Variants in SLCO3A1 observed in about 807,000 individuals in gnomAD.
The protein encoded by SLCO3A1 is PGE1 transporter.
In SLCO3A1, 27 loss-of-function variants were observed where a neutral mutation model predicts 63.1. The observed-to-expected ratio is 0.43, with a 90% CI of 0.32 to 0.59. SLCO3A1 has a LOEUF of 0.59. Among genes scored for constraint, SLCO3A1 ranks in the 20% least tolerant of loss-of-function variants. The pLI is 0.09. For missense variants in SLCO3A1, 773 were observed against 945.8 expected, an observed-to-expected ratio of 0.82 and a Z score of 2.40; for synonymous variants, 473 against 409.9, an observed-to-expected ratio of 1.15 and a Z score of -1.86.
chr15:91,880,386 T>C (rs909234929), intron 1 of SLCO3A1, among the ~76,000 whole-genome samples: 2 of 136,498 alleles, frequency 1.5e-5, no homozygotes, highest in Admixed American at 7.1e-5. Context: ...CGTGCTTCTC[T>C]CTCTCTCTCT....
At chr15:91,975,743 C>T (rs1364706354) in intron 2 of SLCO3A1, among the ~76,000 whole-genome samples, 1 of 152,140 alleles carries the variant, frequency 6.6e-6, no homozygotes, top group Non-Finnish European at 1.5e-5. Context: ...GTTCCTATAA[C>T]TATGAGATTG....
chr15:91,986,576 C>T (rs1194177354), intron 2 of SLCO3A1, among the ~76,000 whole-genome samples: 5 of 150,728 alleles, frequency 3.3e-5, no homozygotes, highest in South Asian at 2.1e-4. Flanking sequence ...ACTAGTGAGA[C>T]GTTTACATTC....
intron 2 of SLCO3A1, among the ~76,000 whole-genome samples, chr15:92,023,991 C>T (rs2046540769): frequency 6.6e-6 from 1 of 152,110 alleles, no homozygotes; most frequent in Non-Finnish European, 1.5e-5. Flanking sequence ...AGAGCCAAGT[C>T]CAGTGAATCT....
chr15:92,043,360 C>A (rs1162837475), intron 2 of SLCO3A1, among the ~76,000 whole-genome samples: 1 of 152,182 alleles, frequency 6.6e-6, no homozygotes, highest in African/African-American at 2.4e-5. Context: ...GGCCAAACAT[C>A]CAATGAGAAT....
At chr15:91,965,106 G>T (rs1056203068) in intron 2 of SLCO3A1, among the ~76,000 whole-genome samples, 3 of 151,632 alleles carry the variant, frequency 2.0e-5, no homozygotes, top group African/African-American at 7.3e-5. Flanking sequence ...CTCAGTGGAT[G>T]ATTAGGGTTT....
At chr15:92,024,602 A>C (rs1325685075) in intron 2 of SLCO3A1, among the ~76,000 whole-genome samples, 1 of 152,192 alleles carries the variant, frequency 6.6e-6, no homozygotes, top group Non-Finnish European at 1.5e-5. Context: ...GTGCTCTCTC[A>C]GTCATGGGGA....
At chr15:92,095,767 C>A (rs757280291) in intron 3 of SLCO3A1, among the ~76,000 whole-genome samples, 3 of 152,178 alleles carry the variant, frequency 2.0e-5, no homozygotes, top group Non-Finnish European at 2.9e-5. Flanking sequence ...ACCTGTAGAT[C>A]TACTCTCAGG....
rs544536430 is a variant in SLCO3A1, at chr15:91,968,688, C to T, written c.646+52230C>T. Among the ~76,000 whole-genome samples the T allele has an allele frequency of 6.6e-5, 10 of 152,334 alleles. No homozygotes were observed. The East Asian group carries it at 1.5e-3, about 24-fold the overall frequency. On this transcript the variant is annotated intron_variant, in intron 2 of 9. Transcript: ENST00000318445. The surrounding 1 kb of genome is among the most constrained non-coding windows in gnomAD (Gnocchi z 4.2). ...TCTTCAGACAGAGAAAGGGTGCACACGCAGACCCGCAAGCACAGCCTTCGC... is the reference window on the plus strand; with the variant it reads ...TCTTCAGACAGAGAAAGGGTGCACATGCAGACCCGCAAGCACAGCCTTCGC...
intron 2 of SLCO3A1, among the ~76,000 whole-genome samples, chr15:92,038,170 A>C (rs1053186952): frequency 1.5e-4 from 23 of 152,312 alleles, no homozygotes; most frequent in African/African-American, 5.3e-4. Flanking sequence ...CTCTCTGATC[A>C]TGTGTCCTCA....
chr15:92,089,012 T>A (rs561190492), intron 2 of SLCO3A1, among the ~76,000 whole-genome samples: 567 of 144,434 alleles, frequency 3.9e-3, no homozygotes, highest in African/African-American at 5.4e-3. Context: ...TTATTTATTA[T>A]TTATTTATTT....
In SLCO3A1 at chr15:92,165,289, C is replaced by T. The variant is rs1455108353; in HGVS notation, c.*2154C>T. ...ATGGGGACACTCATCAGTACGTTAA[C>T]TACTAAAGGGGAGATGGTTCTCCAA... On this transcript the variant is annotated 3_prime_UTR_variant, in exon 10 of 10. Coordinates refer to ENST00000318445, the MANE Select transcript of SLCO3A1 (RefSeq NM_013272.4). 1 of 985,274 alleles carries T rather than the reference C, an allele frequency of 1.0e-6. No individual in the cohort carries two copies. Among genetic ancestry groups the T allele is most frequent in the East Asian group, 1.1e-4 (1 of 8,826 alleles). The allele number at this position is 985,274 out of a possible 1,614,324, so 61.0% of individuals were successfully genotyped here.
chr15:92,008,243 T>A (rs757036357), intron 2 of SLCO3A1, among the ~76,000 whole-genome samples: 1 of 152,208 alleles, frequency 6.6e-6, no homozygotes, highest in Non-Finnish European at 1.5e-5. Context: ...GGGTCTGATT[T>A]GATCAAAACC....
intron 2 of SLCO3A1, among the ~76,000 whole-genome samples, chr15:91,930,129 C>G (rs1420594440): frequency 1.3e-5 from 2 of 152,164 alleles, no homozygotes; most frequent in African/African-American, 2.4e-5. Context: ...TATTGACCAG[C>G]CTTGTCCTCC....
At chr15:92,083,458 C>T (rs896685548) in intron 2 of SLCO3A1, among the ~76,000 whole-genome samples, 1 of 152,130 alleles carries the variant, frequency 6.6e-6, no homozygotes, top group Non-Finnish European at 1.5e-5. Context: ...AGCGTGACTC[C>T]TGGGTACAGT....
intron 2 of SLCO3A1, among the ~76,000 whole-genome samples, chr15:91,960,309 T>C (rs1444020640): frequency 6.6e-6 from 1 of 152,194 alleles, no homozygotes; most frequent in African/African-American, 2.4e-5. Context: ...GACTGCCTTC[T>C]TTCACCACCA....
chr15:92,114,974 C>T (rs1476205230), intron 4 of SLCO3A1, among the ~76,000 whole-genome samples: 1 of 152,186 alleles, frequency 6.6e-6, no homozygotes, highest in South Asian at 2.1e-4. Context: ...GCATTGGCTA[C>T]CATTGTAATT....
At chr15:91,913,946 T>C (rs1898567013) in intron 1 of SLCO3A1, among the ~76,000 whole-genome samples, 1 of 152,164 alleles carries the variant, frequency 6.6e-6, no homozygotes. Context: ...GGCCCAGCTG[T>C]CTTCACTGCT....
intron 2 of SLCO3A1, among the ~76,000 whole-genome samples, chr15:91,962,479 CAAAAAAAAAA>C (rs35274991): frequency 2.4e-5 from 2 of 81,736 alleles, no homozygotes; most frequent in African/African-American, 9.6e-5. Flanking sequence ...AACTCCGTCT[CAAAAAAAAAA>C]AAAAAAAAAA....
At chr15:91,890,890 G>A (rs1897852972) in intron 1 of SLCO3A1, among the ~76,000 whole-genome samples, 1 of 152,194 alleles carries the variant, frequency 6.6e-6, no homozygotes, top group Admixed American at 6.5e-5. Flanking sequence ...AGACATTGCT[G>A]GGTGGGGACT....
Sources: allele counts gnomAD v4.1 joint callset (sites outside exome capture counted in the v4.1 genomes callset), GRCh38; gene constraint gnomAD v4.1.1; non-coding constraint Gnocchi (gnomAD v3.1); transcripts MANE v1.5; gene names NCBI Gene and HGNC (gene_info 2026-07-23, HGNC 2026-07-21).